HSD17B6: variants seen among roughly 807,000 people sequenced by gnomAD.
HSD17B6 encodes the protein hydroxysteroid 17-beta dehydrogenase 6, also known as 17-beta-hydroxysteroid dehydrogenase type 6.
A neutral mutation model predicts 26.4 loss-of-function variants in HSD17B6; 16 were observed. That is an observed-to-expected ratio of 0.61 (90% CI 0.41 to 0.92). HSD17B6 has a LOEUF of 0.92. Among genes scored for constraint, HSD17B6 ranks in the 40% least tolerant of loss-of-function variants. The pLI is 0.00. For synonymous variants in HSD17B6, 139 were observed against 153.0 expected (o/e 0.91, Z 0.68); for missense variants, 357 against 386.1 (o/e 0.92, Z 0.63).
chr12:56,780,996 C>G (rs193154829), intron 2 of HSD17B6, among the ~76,000 whole-genome samples: 2 of 152,118 alleles, frequency 1.3e-5, no homozygotes, highest in Non-Finnish European at 2.9e-5. Flanking sequence ...AGTATACTCT[C>G]ATGGCAAATC....
chr12:56,767,898 C>T (rs933792985), intron 1 of HSD17B6, among the ~76,000 whole-genome samples: 4 of 148,234 alleles, frequency 2.7e-5, no homozygotes, highest in Non-Finnish European at 5.9e-5. Flanking sequence ...CATATATATA[C>T]AATGTATACA....
Position 56,773,815 on chromosome 12 carries a change from GT to G in HSD17B6, c.-19-15del. 1 of 1,508,100 alleles carries G rather than the reference GT, an allele frequency of 6.6e-7. No homozygotes were observed. The highest frequency in any genetic ancestry group is 8.9e-7 in the Non-Finnish European group (1 of 1,125,530). 93.4% of individuals were successfully genotyped at this position (1,508,100 alleles called of 1,614,324 possible). ...TTAAATAATAAGGAAGGAATAAAAT[GT>G]TTTCTTTCTATTGAAAGAGAAGGAA... is the stretch of plus-strand genomic sequence containing the variant. On this transcript the variant is annotated intron_variant, in intron 1 of 4. Coordinates refer to ENST00000322165, the MANE Select transcript of HSD17B6 (RefSeq NM_003725.4).
At chr12:56,772,777 G>A (rs926759467) in intron 1 of HSD17B6, among the ~76,000 whole-genome samples, 3 of 151,710 alleles carry the variant, frequency 2.0e-5, no homozygotes, top group African/African-American at 7.3e-5. Context: ...AGAAAGAAGT[G>A]TATGCAGAGG....
chr12:56,780,848 A>G (rs1176245246), intron 2 of HSD17B6, among the ~76,000 whole-genome samples: 1 of 151,050 alleles, frequency 6.6e-6, no homozygotes, highest in East Asian at 1.9e-4. Context: ...CTCAAAAAAA[A>G]AAAAAAAAAA....
At chr12:56,782,680 T>A (rs1311219216) in intron 3 of HSD17B6, among the ~76,000 whole-genome samples, 48 of 140,268 alleles carry the variant, frequency 3.4e-4, no homozygotes, top group African/African-American at 8.3e-4. Context: ...TTTTTTTTTT[T>A]ATTGATCATT....
At chr12:56,771,084 G>C (rs1954461072) in intron 1 of HSD17B6, among the ~76,000 whole-genome samples, 1 of 152,180 alleles carries the variant, frequency 6.6e-6, no homozygotes, top group Non-Finnish European at 1.5e-5. Context: ...AGCTGGACCA[G>C]TTCAGCCCAG....
intron 4 of HSD17B6, 85 bp from the exon 5 acceptor site, chr12:56,787,040 A>T: frequency 1.0e-6 from 1 of 976,274 alleles, no homozygotes; most frequent in Non-Finnish European, 1.6e-6. Flanking sequence ...TGTAGAAATT[A>T]GATGTGGTGA....
rs957247467 is a variant in HSD17B6 at position 56,781,838 on chromosome 12, A to G, written c.314-136A>G. The G allele has an allele frequency of 1.0e-5, 9 of 878,378 alleles. 1 individual carries two copies. In the South Asian group the frequency reaches 1.4e-4, roughly 13 times the overall value. 54.4% of individuals were successfully genotyped at this position (878,378 alleles called of 1,614,324 possible). A position where few individuals can be genotyped will look rare whatever the true frequency, so the allele number is the denominator to read the frequency against. ...TATATTTAGCAAACTTGTATGTTAT[A>G]TCATTTGGGCTGCAAACTCTCATGG... On this transcript the variant is annotated intron_variant, in intron 2 of 4. Coordinates refer to ENST00000322165, the MANE Select transcript of HSD17B6 (RefSeq NM_003725.4).
rs188091201 is a variant in HSD17B6, at chr12:56,777,406, C to T, written c.313+3241C>T. Among the ~76,000 whole-genome samples the T allele has an allele frequency of 2.2e-5, 3 of 137,272 alleles. No individual in the cohort carries two copies. In the East Asian group the frequency reaches 6.2e-4, roughly 28 times the overall value. 90.1% of individuals were successfully genotyped at this position (137,272 alleles called of 152,430 possible). On this transcript the variant is annotated intron_variant, in intron 2 of 4. Coordinates refer to ENST00000322165, the MANE Select transcript of HSD17B6 (RefSeq NM_003725.4). The stretch of plus-strand genomic sequence containing the variant: ...GGAAATGGAGTTTTGCTCTTGTTGC[C>T]CCGGCTGGCGTGCAACGGCATGATC...
chr12:56,777,510 G>A (rs1019704373), intron 2 of HSD17B6, among the ~76,000 whole-genome samples: 8 of 151,700 alleles, frequency 5.3e-5, no homozygotes, highest in African/African-American at 1.2e-4. Context: ...GATTACAGGC[G>A]CCCGCCACCA....
rs551127470 is a variant in HSD17B6 at position 56,764,778 on chromosome 12, T to G, written c.-20+1364T>G. On this transcript the variant is annotated intron_variant, in intron 1 of 4. Coordinates refer to ENST00000322165, the MANE Select transcript of HSD17B6 (RefSeq NM_003725.4). ...GAACAAGTAAATCTCGAAGCCTGAT[T>G]TTGAACCCAGGCCATCTGGCCTCAG... 1.3e-5 allele frequency among the ~76,000 whole-genome samples: 2 copies of G among 152,298 alleles called. 1 individual carries two copies. Among genetic ancestry groups the G allele is most frequent in the South Asian group, 4.1e-4 (2 of 4,820 alleles).
At chr12:56,766,227 C>T (rs1049860410) in intron 1 of HSD17B6, among the ~76,000 whole-genome samples, 5 of 152,114 alleles carry the variant, frequency 3.3e-5, no homozygotes, top group African/African-American at 1.2e-4. Context: ...TCTTTTCGGA[C>T]TCAGCCCGCC....
At chr12:56,783,841 G>T (rs1464579054) in intron 3 of HSD17B6, among the ~76,000 whole-genome samples, 2 of 152,130 alleles carry the variant, frequency 1.3e-5, no homozygotes, top group African/African-American at 2.4e-5. Context: ...CCTCCCGGAG[G>T]GGGTGGCTGC....
chr12:56,775,596 T>C (rs1954574129), intron 2 of HSD17B6, among the ~76,000 whole-genome samples: 1 of 152,162 alleles, frequency 6.6e-6, no homozygotes, highest in East Asian at 1.9e-4. Context: ...TTATAGAAAA[T>C]TGAACAGAAA....
At position 56,787,367 on chromosome 12, in the gene HSD17B6, G is replaced by A; in HGVS notation, c.*25G>A. 6.7e-7 allele frequency: 1 copy of A among 1,498,372 alleles called. No individual in the cohort carries two copies. The highest frequency in any genetic ancestry group is 9.2e-7 in the Non-Finnish European group (1 of 1,082,712). 92.8% of individuals were successfully genotyped at this position (1,498,372 alleles called of 1,614,324 possible). A position where few individuals can be genotyped will look rare whatever the true frequency, so the allele number is the denominator to read the frequency against. On this transcript the variant is annotated 3_prime_UTR_variant, in exon 5 of 5. Transcript: ENST00000322165. ...AAGAAAACTGGGTTGGTGCTTCTTGGAATGAAGGCAAAAATCTGAAATTGT... is the reference window on the plus strand; with the variant it reads ...AAGAAAACTGGGTTGGTGCTTCTTGAAATGAAGGCAAAAATCTGAAATTGT...
intron 3 of HSD17B6, among the ~76,000 whole-genome samples, 197 bp from the exon 4 acceptor site, chr12:56,784,656 G>T (rs1254849464): frequency 6.6e-6 from 1 of 152,200 alleles, no homozygotes; most frequent in Non-Finnish European, 1.5e-5. Context: ...CGGCATCAGA[G>T]GGAGACCATG....
At chr12:56,768,994 G>A (rs540956486) in intron 1 of HSD17B6, among the ~76,000 whole-genome samples, 1 of 151,496 alleles carries the variant, frequency 6.6e-6, no homozygotes, top group Non-Finnish European at 1.5e-5. Context: ...GAGAGACTGA[G>A]GAAAAGGAAG....
At chr12:56,777,263 T>G (rs1565919781) in intron 2 of HSD17B6, among the ~76,000 whole-genome samples, 1 of 152,140 alleles carries the variant, frequency 6.6e-6, no homozygotes, top group Non-Finnish European at 1.5e-5. Flanking sequence ...GCCTGGCTAA[T>G]TTTTGTATTT....
chr12:56,780,370 G>A (rs1352108805), intron 2 of HSD17B6, among the ~76,000 whole-genome samples: 1 of 152,164 alleles, frequency 6.6e-6, no homozygotes, highest in Non-Finnish European at 1.5e-5. Flanking sequence ...CTGTAATAAA[G>A]AAATCAATGT....
Sources: allele counts gnomAD v4.1 joint callset (sites outside exome capture counted in the v4.1 genomes callset), GRCh38; gene constraint gnomAD v4.1.1; transcripts MANE v1.5; gene names NCBI Gene and HGNC (gene_info 2026-07-23, HGNC 2026-07-21).